Variants in DHX16 observed in about 807,000 individuals in gnomAD.
DHX16 encodes the protein DEAH-box helicase 16.
A neutral mutation model predicts 131.2 loss-of-function variants in DHX16; 81 were observed. The observed-to-expected ratio is 0.62, with a 90% CI of 0.52 to 0.74. The LOEUF is 0.74. Ranked by LOEUF, DHX16 falls within the 30% of genes least tolerant of loss-of-function variation. DHX16 has a pLI of 0.00. For missense variants in DHX16, 980 were observed against 1,363.1 expected, an observed-to-expected ratio of 0.72 and a Z score of 4.43; for synonymous variants, 440 against 520.2, an observed-to-expected ratio of 0.85 and a Z score of 2.10.
In DHX16 at chr6:30,665,614, C is replaced by T. The variant is rs375572555; in HGVS notation, c.786G>A (p.Leu262=). Residue 262 remains leucine (L), a synonymous_variant, in exon 5 of 20, where the codon CTG becomes CTA. Coordinates refer to ENST00000376442, the MANE Select transcript of DHX16 (RefSeq NM_003587.5). The surrounding 1 kb of genome is among the most constrained non-coding windows in gnomAD (Gnocchi z 4.8). ...TGAGCTCCTGCCGCTCGTGCCGGCT[C>T]AGCTCCACGTCCCCAAAAAGGAACT... ...DEEFLFGDVE[L]SRHERQELKY... is the part of the protein sequence containing the mutation. 10 of 1,612,856 alleles carry T rather than the reference C, an allele frequency of 6.2e-6. No individual in the cohort carries two copies. The African/African-American group carries it at 1.3e-4, about 22-fold the overall frequency.
chr6:30,665,108 A>G lies in DHX16; in HGVS notation c.1088T>C (p.Ile363Thr), dbSNP rs764477347. ...GAGCTGAGTGGCCCGGACAAACTCA[A>G]TGGTCTCCTCCTCCTCCAGCACCAG... ...YQLVLEEEETIEFVRATQLQG... is the reference protein window; with the variant it reads ...YQLVLEEEETTEFVRATQLQG... Residue 363 changes from isoleucine to threonine, a missense_variant, in exon 6 of 20, where the codon ATT becomes ACT. Transcript: ENST00000376442. This position sits in a 1 kb window ranked among gnomAD's most constrained non-coding sequence, Gnocchi z 4.8. The G allele has an allele frequency of 6.8e-6, 11 of 1,613,888 alleles. No homozygotes were observed. The highest frequency in any genetic ancestry group is 3.3e-5 in the Admixed American group (2 of 59,964).
intron 4 of DHX16, among the ~76,000 whole-genome samples, chr6:30,666,701 G>A (rs879153036): frequency 6.6e-6 from 1 of 152,114 alleles, no homozygotes. Context: ...CCAGCTACTC[G>A]GGAGGCTGAG....
intron 10 of DHX16, 50 bp downstream of exon 10, chr6:30,659,982 G>T (rs762101631): frequency 1.1e-5 from 17 of 1,589,678 alleles, no homozygotes; most frequent in Non-Finnish European, 1.5e-5. Context: ...TTCTCCAAAG[G>T]CCTCAGCTTT....
At position 30,665,793 on chromosome 6, in the gene DHX16, C is replaced by T; in HGVS notation, c.667-60G>A. 6.4e-7 allele frequency: 1 copy of T among 1,561,458 alleles called. No homozygotes were observed. The highest frequency in any genetic ancestry group is 8.6e-7 in the Non-Finnish European group (1 of 1,160,084). Reference sequence around the variant, plus strand: ...GCTGGAGGAGCAACCCCTTTCTCTACCAATCCCTACAAGGGAAAAATCCCC... The same window carrying T: ...GCTGGAGGAGCAACCCCTTTCTCTATCAATCCCTACAAGGGAAAAATCCCC... On this transcript the variant is annotated intron_variant, in intron 4 of 19. Transcript: ENST00000376442. The surrounding 1 kb of genome is among the most constrained non-coding windows in gnomAD (Gnocchi z 4.8).
chr6:30,660,313 G>C, intron 9 of DHX16, 71 bp from the exon 10 acceptor site: 1 of 1,233,032 alleles, frequency 8.1e-7, no homozygotes, highest in South Asian at 1.7e-5. Context: ...AGAGTTAACT[G>C]GATGAGAGGG....
chr6:30,655,087 C>T (rs1296261062), intron 18 of DHX16, 88 bp downstream of exon 18: 10 of 1,552,232 alleles, frequency 6.4e-6, no homozygotes, highest in African/African-American at 2.7e-5. Context: ...CATGCTCTCA[C>T]GCTGGAGGAA....
chr6:30,658,929 C>T (rs1199112165), intron 12 of DHX16, among the ~76,000 whole-genome samples: 1 of 151,924 alleles, frequency 6.6e-6, no homozygotes, highest in Non-Finnish European at 1.5e-5. Flanking sequence ...CATTGTCACC[C>T]AGGCTGGAGT....
intron 9 of DHX16, 57 bp from the exon 10 acceptor site, chr6:30,660,299 C>T (rs1411398904): frequency 2.3e-5 from 32 of 1,383,934 alleles, no homozygotes; most frequent in Non-Finnish European, 2.8e-5. Context: ...CAGTATCAGA[C>T]ACCAGAGTTA....
chr6:30,661,660 T>C, intron 9 of DHX16: 1 of 693,058 alleles, frequency 1.4e-6, no homozygotes, highest in Non-Finnish European at 2.7e-6. Context: ...CTTCTTTCTC[T>C]TTGTTCTTTG....
intron 4 of DHX16, among the ~76,000 whole-genome samples, chr6:30,666,453 C>A (rs772790957): frequency 1.3e-5 from 2 of 152,150 alleles, no homozygotes; most frequent in African/African-American, 2.4e-5. Flanking sequence ...TGCCAGGAGT[C>A]CTCCCACTAT....
chr6:30,657,424 G>T (rs907793446), intron 12 of DHX16, among the ~76,000 whole-genome samples: 1 of 151,604 alleles, frequency 6.6e-6, no homozygotes, highest in Admixed American at 6.6e-5. Flanking sequence ...CTTCCTGTAA[G>T]AGCCTCCTAA....
chr6:30,671,697 A>C (rs1389654233), intron 1 of DHX16, among the ~76,000 whole-genome samples: 1 of 151,272 alleles, frequency 6.6e-6, no homozygotes, highest in Non-Finnish European at 1.5e-5. Flanking sequence ...TTTCTTCCTC[A>C]TGGCTTCACC....
In DHX16 at chr6:30,659,456, G is replaced by GA. The variant is rs1561976909; in HGVS notation, c.2007+15_2007+16insT. The GA allele has an allele frequency of 1.9e-6, 3 of 1,575,172 alleles. No homozygotes were observed. Among genetic ancestry groups the GA allele is most frequent in the Non-Finnish European group, 1.7e-6 (2 of 1,160,700 alleles). ...GGGAAGCATAGGGGTGAAGAGTGTGGGTTTCTCCAACTGACCTTTCGTGCC... is the reference window on the plus strand; with the variant it reads ...GGGAAGCATAGGGGTGAAGAGTGTGGAGTTTCTCCAACTGACCTTTCGTGCC... On this transcript the variant is annotated intron_variant, in intron 12 of 19. Transcript: ENST00000376442.
At chr6:30,659,152 C>T (rs1258543174) in intron 12 of DHX16, among the ~76,000 whole-genome samples, 1 of 152,172 alleles carries the variant, frequency 6.6e-6, no homozygotes, top group Non-Finnish European at 1.5e-5. Context: ...CTCCGAAAGT[C>T]CTGGGATTAC....
intron 4 of DHX16, among the ~76,000 whole-genome samples, chr6:30,669,877 C>CA (rs145465743): frequency 0.011 from 1,599 of 151,680 alleles, 11 homozygotes; most frequent in Non-Finnish European, 0.015. Context: ...AGTTTCACAC[C>CA]ATAAAAAGTC....
intron 9 of DHX16, 104 bp from the exon 10 acceptor site, chr6:30,660,346 A>T (rs1232287760): frequency 1.1e-6 from 1 of 951,514 alleles, no homozygotes; most frequent in African/African-American, 1.7e-5. Context: ...CAAAGAGTTC[A>T]AGAATGACTG....
intron 9 of DHX16, chr6:30,660,539 G>A (rs1306690382): frequency 5.7e-6 from 2 of 348,198 alleles, no homozygotes; most frequent in East Asian, 4.3e-5. Context: ...GTTCAGTCAA[G>A]AGTCTGCTTA....
intron 4 of DHX16, among the ~76,000 whole-genome samples, chr6:30,666,723 A>G (rs3094096): frequency 0.16 from 24,397 of 152,066 alleles, 3,352 homozygotes; most frequent in African/African-American, 0.36. Flanking sequence ...CAGGAGAATC[A>G]TTTGAACCCG....
rs199903836 is a variant in DHX16 at position 30,655,180 on chromosome 6, G to A, written c.2818C>T (p.Arg940Cys). The stretch of plus-strand genomic sequence containing the variant: ...GAGGCTGAAGAAATGCTGACCTTGC[G>A]TACACGGATATAGTCCCCCTGGCAG... ...SSCQGDYIRVRKAITAGYFYH... is the reference protein window; with the variant it reads ...SSCQGDYIRVCKAITAGYFYH... The change falls in exon 18 of 20, where the codon CGC (arginine) becomes TGC (cysteine). Residue 940 changes from arginine to cysteine, a missense_variant. By Grantham distance (180) the Arg-to-Cys change is radical. Transcript: ENST00000376442. 5.5e-5 allele frequency: 89 copies of A among 1,614,140 alleles called. No homozygotes were observed. The highest frequency in any genetic ancestry group is 6.5e-5 in the Non-Finnish European group (77 of 1,180,026).
Sources: allele counts gnomAD v4.1 joint callset (sites outside exome capture counted in the v4.1 genomes callset), GRCh38; gene constraint gnomAD v4.1.1; non-coding constraint Gnocchi (gnomAD v3.1); transcripts MANE v1.5; gene names NCBI Gene and HGNC (gene_info 2026-07-23, HGNC 2026-07-21).